Variants in GPATCH2 observed in about 807,000 individuals in gnomAD.
GPATCH2 encodes the protein G patch domain-containing protein 2.
Under a neutral mutation model 58.0 loss-of-function variants are expected in GPATCH2, and 51 were observed. That is an observed-to-expected ratio of 0.88 (90% CI 0.70 to 1.11). The LOEUF is 1.11. Ranked by LOEUF, GPATCH2 falls within the 50% of genes most tolerant of loss-of-function variation. The probability of loss-of-function intolerance (pLI) is 0.00; values close to 1 mark genes in which losing one functional copy is unlikely to be tolerated. For missense variants in GPATCH2, 625 were observed against 652.2 expected (o/e 0.96, Z 0.45); for synonymous variants, 222 against 218.5 (o/e 1.02, Z -0.14).
At chr1:217,431,557 T>C (rs1298131516) in intron 9 of GPATCH2, among the ~76,000 whole-genome samples, 192 bp from the exon 10 acceptor site, 3 of 152,330 alleles carry the variant, frequency 2.0e-5, no homozygotes, top group Middle Eastern at 3.4e-3. Context: ...GTTTAGAATT[T>C]CAATTCTAGC....
chr1:217,441,280 T>G (rs979007885), intron 9 of GPATCH2, among the ~76,000 whole-genome samples: 1 of 152,132 alleles, frequency 6.6e-6, no homozygotes, highest in Non-Finnish European at 1.5e-5. Context: ...TAATAAATGG[T>G]GTTGGGAAAA....
intron 6 of GPATCH2, among the ~76,000 whole-genome samples, chr1:217,500,906 T>C (rs1006005305): frequency 3.3e-5 from 5 of 152,142 alleles, no homozygotes; most frequent in East Asian, 1.9e-4. Context: ...TTTGAGATAA[T>C]TGTAGGTTTA....
rs2102515022 is a variant in GPATCH2 at position 217,429,706 on chromosome 1, T to G, written c.*1439A>C. On this transcript the variant is annotated 3_prime_UTR_variant, in exon 10 of 10. Coordinates refer to ENST00000366935, the MANE Select transcript of GPATCH2 (RefSeq NM_018040.5). ...ATCCGGGTATGGTCGTGGGTGCCTG[T>G]AATCCCTGCTATTTGGGAGGCTGAG... 6.6e-6 allele frequency: 1 copy of G among 151,466 alleles called. No homozygotes were observed. Among genetic ancestry groups the G allele is most frequent in the East Asian group, 2.0e-4 (1 of 5,080 alleles). 9.4% of individuals were successfully genotyped at this position (151,466 alleles called of 1,614,324 possible).
intron 5 of GPATCH2, among the ~76,000 whole-genome samples, chr1:217,569,918 C>A (rs1445627898): frequency 6.6e-6 from 1 of 151,866 alleles, no homozygotes; most frequent in Non-Finnish European, 1.5e-5. Context: ...ATGTTTGAAG[C>A]CAGAAAATGA....
At chr1:217,554,811 A>T (rs896664118) in intron 5 of GPATCH2, among the ~76,000 whole-genome samples, 1 of 152,008 alleles carries the variant, frequency 6.6e-6, no homozygotes, top group African/African-American at 2.4e-5. Flanking sequence ...ATAATAAAAA[A>T]CCCCATTCTT....
At chr1:217,463,349 A>G (rs1660283718) in intron 8 of GPATCH2, among the ~76,000 whole-genome samples, 1 of 152,140 alleles carries the variant, frequency 6.6e-6, no homozygotes, top group Non-Finnish European at 1.5e-5. Context: ...TAGAGATGGT[A>G]TAGTTTACTT....
intron 9 of GPATCH2, 85 bp from the exon 10 acceptor site, chr1:217,431,450 T>A: frequency 1.3e-6 from 1 of 790,152 alleles, no homozygotes; most frequent in South Asian, 1.5e-5. Flanking sequence ...TCTCCTAAGT[T>A]TTGTTTTGTT....
chr1:217,595,661 G>A (rs912929994), intron 5 of GPATCH2, among the ~76,000 whole-genome samples: 2 of 151,900 alleles, frequency 1.3e-5, no homozygotes, highest in African/African-American at 4.8e-5. Context: ...CACCACGCTT[G>A]GCTAATTTTT....
intron 1 of GPATCH2, among the ~76,000 whole-genome samples, chr1:217,628,356 A>G (rs1160861981): frequency 1.3e-5 from 2 of 152,220 alleles, no homozygotes; most frequent in East Asian, 3.9e-4. Flanking sequence ...GACAACGTAA[A>G]GGCTTCCAGC....
chr1:217,443,444 G>A (rs1014654164), intron 9 of GPATCH2, among the ~76,000 whole-genome samples: 2 of 151,886 alleles, frequency 1.3e-5, no homozygotes, highest in African/African-American at 4.8e-5. Flanking sequence ...TTTCTCCTTG[G>A]CTGCTCTTAA....
chr1:217,456,840 C>CA (rs1360652839), intron 8 of GPATCH2, among the ~76,000 whole-genome samples: 1 of 151,974 alleles, frequency 6.6e-6, no homozygotes, highest in African/African-American at 2.4e-5. Flanking sequence ...ATCACAATAT[C>CA]AAAAAACACA....
intron 5 of GPATCH2, among the ~76,000 whole-genome samples, chr1:217,560,377 C>A (rs1665863180): frequency 6.6e-6 from 1 of 152,186 alleles, no homozygotes; most frequent in Non-Finnish European, 1.5e-5. Context: ...TTTAACTCCT[C>A]AGGGGTATTT....
chr1:217,559,449 A>G (rs1298109137), intron 5 of GPATCH2, among the ~76,000 whole-genome samples: 3 of 151,826 alleles, frequency 2.0e-5, no homozygotes, highest in South Asian at 2.1e-4. Context: ...TTTTTCTACT[A>G]CTCCATTGAG....
chr1:217,607,604 G>T lies in GPATCH2; in HGVS notation c.1098+2717C>A, dbSNP rs144860147. 5.5e-3 allele frequency among the ~76,000 whole-genome samples: 831 copies of T among 152,220 alleles called. 7 individuals carry two copies. The highest frequency in any genetic ancestry group is 0.019 in the African/African-American group (789 of 41,534). On this transcript the variant is annotated intron_variant, in intron 5 of 9. Transcript: ENST00000366935. ...CTAAACACAAACATAAACAAAACAA[G>T]GTTATCTATTGATCAGTTGGTGAAA...
intron 5 of GPATCH2, among the ~76,000 whole-genome samples, chr1:217,557,519 CAT>C (rs956617826): frequency 7.3e-5 from 11 of 151,588 alleles, no homozygotes; most frequent in Non-Finnish European, 1.6e-4. Context: ...GCCTTGAGGT[CAT>C]AGAGTTGTTC....
chr1:217,588,391 G>T (rs755552347), intron 5 of GPATCH2, among the ~76,000 whole-genome samples: 2 of 152,070 alleles, frequency 1.3e-5, no homozygotes, highest in Admixed American at 6.5e-5. Flanking sequence ...ATTTCAATGG[G>T]AACAATTTTT....
intron 2 of GPATCH2, among the ~76,000 whole-genome samples, chr1:217,619,449 T>C (rs936810719): frequency 1.2e-4 from 19 of 152,192 alleles, no homozygotes; most frequent in Non-Finnish European, 2.5e-4. Flanking sequence ...AGGTCTATAA[T>C]TAAACATATA....
At chr1:217,606,292 T>G (rs1668358060) in intron 5 of GPATCH2, among the ~76,000 whole-genome samples, 1 of 151,626 alleles carries the variant, frequency 6.6e-6, no homozygotes, top group Non-Finnish European at 1.5e-5. Flanking sequence ...AGTTTGCAAT[T>G]AAGTTTTGAG....
At chr1:217,432,678 G>A (rs1658598169) in intron 9 of GPATCH2, among the ~76,000 whole-genome samples, 1 of 152,098 alleles carries the variant, frequency 6.6e-6, no homozygotes, top group Admixed American at 6.5e-5. Context: ...AATTATCAGA[G>A]CATTTCTTAT....
Sources: allele counts gnomAD v4.1 joint callset (sites outside exome capture counted in the v4.1 genomes callset), GRCh38; gene constraint gnomAD v4.1.1; transcripts MANE v1.5; gene names NCBI Gene and HGNC (gene_info 2026-07-23, HGNC 2026-07-21).